Variants in ABCA13 observed in about 807,000 individuals in gnomAD.
ABCA13 encodes the protein ATP binding cassette subfamily A member 13, also known as ATP-binding cassette sub-family A member 13.
ABCA13 carries 476 observed loss-of-function variants against 478.7 expected under a neutral mutation model. That is an observed-to-expected ratio of 0.99 (90% confidence interval 0.92 to 1.07). ABCA13 has a LOEUF of 1.07. Ranked by LOEUF, ABCA13 falls within the 50% of genes least tolerant of loss-of-function variation. The probability of loss-of-function intolerance (pLI) is 0.00; values close to 1 mark genes in which losing one functional copy is unlikely to be tolerated. For missense variants in ABCA13, 6,060 were observed against 5,910.6 expected, an observed-to-expected ratio of 1.03 and a Z score of -0.83; for synonymous variants, 2,252 against 2,158.9, an observed-to-expected ratio of 1.04 and a Z score of -1.20.
intron 34 of ABCA13, among the ~76,000 whole-genome samples, chr7:48,374,690 A>G (rs1759461835): frequency 6.6e-6 from 1 of 152,138 alleles, no homozygotes; most frequent in African/African-American, 2.4e-5. Flanking sequence ...ACCACCCTTG[A>G]CGTCTGGTCT....
At chr7:48,355,070 T>A (rs2128991552) in intron 31 of ABCA13, among the ~76,000 whole-genome samples, 1 of 142,884 alleles carries the variant, frequency 7.0e-6, no homozygotes, top group East Asian at 2.0e-4. Flanking sequence ...TAGGTAAAAA[T>A]CCCTGCTCTT....
At chr7:48,539,688 A>C (rs1833831888) in intron 55 of ABCA13, among the ~76,000 whole-genome samples, 1 of 152,030 alleles carries the variant, frequency 6.6e-6, no homozygotes, top group Admixed American at 6.6e-5. Context: ...TCCCTTTTTT[A>C]TTCTCTCGAC....
rs540197304 is a variant in ABCA13 at position 48,530,457 on chromosome 7, G to A, written c.14354+2112G>A. ...AAATTATGCTGCTATAAACGTGTGC[G>A]CAAATATCTTTTTCATATAATGACT... On this transcript the variant is annotated intron_variant, in intron 55 of 61. Coordinates refer to ENST00000435803, the MANE Select transcript of ABCA13 (RefSeq NM_152701.5). 5.9e-5 allele frequency among the ~76,000 whole-genome samples: 9 copies of A among 152,060 alleles called. No homozygotes were observed. The South Asian group carries it at 1.0e-3, about 18-fold the overall frequency.
intron 29 of ABCA13, among the ~76,000 whole-genome samples, chr7:48,346,106 G>A (rs1289112731): frequency 6.6e-6 from 1 of 152,154 alleles, no homozygotes; most frequent in East Asian, 1.9e-4. Flanking sequence ...CTAGGATTGT[G>A]TAAGTCCACT....
intron 58 of ABCA13, among the ~76,000 whole-genome samples, chr7:48,613,455 G>T (rs566760665): frequency 1.3e-5 from 2 of 152,240 alleles, no homozygotes; most frequent in South Asian, 4.1e-4. Flanking sequence ...CTCCCAAAGT[G>T]CTGGGATTAC....
chr7:48,490,299 A>G (rs1829726255), intron 48 of ABCA13, among the ~76,000 whole-genome samples: 1 of 152,210 alleles, frequency 6.6e-6, no homozygotes, highest in Non-Finnish European at 1.5e-5. Context: ...TGTATCAAGA[A>G]CTTCATTAGA....
intron 58 of ABCA13, among the ~76,000 whole-genome samples, chr7:48,604,367 TA>T (rs1791240807): frequency 6.6e-6 from 1 of 152,196 alleles, no homozygotes; most frequent in South Asian, 2.1e-4. Context: ...TGTGGGCATT[TA>T]GTGCTATAAA....
intron 10 of ABCA13, among the ~76,000 whole-genome samples, chr7:48,242,020 G>A (rs1380586607): frequency 6.6e-6 from 1 of 152,188 alleles, no homozygotes; most frequent in Non-Finnish European, 1.5e-5. Context: ...AGGATGCCTT[G>A]AAGTAGTGTT....
At chr7:48,414,961 CA>C (rs908802024) in intron 41 of ABCA13, among the ~76,000 whole-genome samples, 2 of 152,166 alleles carry the variant, frequency 1.3e-5, no homozygotes, top group African/African-American at 4.8e-5. Context: ...TCTATACCCC[CA>C]AAAGTCACCT....
rs1796778437 is a variant in ABCA13 at position 48,279,759 on chromosome 7, A to G, written c.8565A>G (p.Ala2855=). Residue 2855 remains alanine, a synonymous_variant, in exon 18 of 62, where the codon GCA becomes GCG. Transcript: ENST00000435803. ...CACTTTTTGAGATTTTCATTAAAGC[A>G]ACCACCGGAAAGAATGTCACATCAG... The part of the protein sequence containing the change: ...FQPLFEIFIK[A]TTGKNVTSEK... The G allele has an allele frequency of 6.2e-7, 1 of 1,611,724 alleles. No individual in the cohort carries two copies. The highest frequency in any genetic ancestry group is 1.7e-5 in the Admixed American group (1 of 59,606).
At chr7:48,325,871 G>A (rs1263762731) in intron 27 of ABCA13, among the ~76,000 whole-genome samples, 2 of 152,170 alleles carry the variant, frequency 1.3e-5, no homozygotes, top group African/African-American at 4.8e-5. Context: ...ACTGAAGTTA[G>A]CACAACCATG....
At chr7:48,174,001 A>T (rs1375031637) in intron 1 of ABCA13, among the ~76,000 whole-genome samples, 1 of 152,224 alleles carries the variant, frequency 6.6e-6, no homozygotes, top group Non-Finnish European at 1.5e-5. Context: ...CCAGGGGGAT[A>T]AAATGTGAAT....
intron 31 of ABCA13, among the ~76,000 whole-genome samples, chr7:48,366,326 T>C (rs756938872): frequency 6.6e-6 from 1 of 151,884 alleles, no homozygotes; most frequent in Non-Finnish European, 1.5e-5. Context: ...TGCTTGAGTA[T>C]TTTTTTCCCG....
intron 3 of ABCA13, among the ~76,000 whole-genome samples, chr7:48,201,072 C>A (rs559250673): frequency 5.5e-5 from 8 of 146,654 alleles, no homozygotes; most frequent in Non-Finnish European, 1.0e-4. Flanking sequence ...GCTCCGCCTA[C>A]TTTATTGGTT....
At chr7:48,644,876 AT>A in intron 61 of ABCA13, 122 bp downstream of exon 61, 1 of 1,087,202 alleles carries the variant, frequency 9.2e-7, no homozygotes, top group Non-Finnish European at 1.3e-6. Flanking sequence ...ATCTTGTTAA[AT>A]TTTATAAAAT....
intron 48 of ABCA13, among the ~76,000 whole-genome samples, chr7:48,501,062 C>T (rs905731665): frequency 1.3e-5 from 2 of 152,134 alleles, no homozygotes; most frequent in Non-Finnish European, 2.9e-5. Context: ...TCCAGTGCCC[C>T]GGTTTTCACC....
intron 42 of ABCA13, among the ~76,000 whole-genome samples, chr7:48,438,912 A>G (rs1455932153): frequency 6.6e-6 from 1 of 150,398 alleles, no homozygotes; most frequent in East Asian, 1.9e-4. Context: ...AAAACTAATG[A>G]TCTAACCAAG....
chr7:48,443,617 T>C (rs1402840814), intron 42 of ABCA13, among the ~76,000 whole-genome samples: 1 of 152,220 alleles, frequency 6.6e-6, no homozygotes, highest in East Asian at 1.9e-4. Context: ...TTAGCATTTT[T>C]ATCATTTGGA....
chr7:48,286,471 C>T (rs1354333451), intron 19 of ABCA13, among the ~76,000 whole-genome samples: 1 of 148,988 alleles, frequency 6.7e-6, no homozygotes, highest in Non-Finnish European at 1.5e-5. Context: ...TAGTAATATG[C>T]TGGAACTGTT....
Sources: allele counts gnomAD v4.1 joint callset (sites outside exome capture counted in the v4.1 genomes callset), GRCh38; gene constraint gnomAD v4.1.1; transcripts MANE v1.5; gene names NCBI Gene and HGNC (gene_info 2026-07-23, HGNC 2026-07-21).